The following TRIM49C variants were observed in gnomAD, a reference collection of about 807,000 sequenced individuals.
TRIM49C encodes tripartite motif containing 49C, also known as tripartite motif-containing protein 49C.
A neutral mutation model predicts 21.4 loss-of-function variants in TRIM49C; 6 were observed. That is an observed-to-expected ratio of 0.28 (90% CI 0.15 to 0.55). The LOEUF (loss-of-function observed/expected upper bound fraction) is 0.55. Ranked by LOEUF, TRIM49C falls within the 20% of genes least tolerant of loss-of-function variation. The pLI is 0.94. For synonymous variants in TRIM49C, 57 were observed against 148.1 expected (o/e 0.38, Z 4.47); for missense variants, 161 against 442.4 (o/e 0.36, Z 5.71).
chr11:90,064,285 T>C, the TRIM49C span, among the ~76,000 whole-genome samples: 1 of 151,432 alleles, frequency 6.6e-6, no homozygotes, highest in African/African-American at 2.4e-5. Flanking sequence ...TTTCCCATTG[T>C]CAATTCAGAT....
chr11:90,049,153 G>A, the TRIM49C span, among the ~76,000 whole-genome samples: 6 of 123,214 alleles, frequency 4.9e-5, 2 homozygotes, highest in East Asian at 5.1e-4. Flanking sequence ...GTAAGTGGCC[G>A]TGTGAGGTGT....
the TRIM49C span, chr11:90,052,061 C>A: frequency 1.7e-6 from 1 of 586,566 alleles, no homozygotes; most frequent in Admixed American, 4.0e-5. Flanking sequence ...ACCACCATGC[C>A]TGGCCACAAG....
downstream of TRIM49C, among the ~76,000 whole-genome samples, chr11:90,043,544 A>G (rs1373307980): frequency 8.3e-6 from 1 of 121,060 alleles, no homozygotes; most frequent in African/African-American, 3.3e-5. Flanking sequence ...GGATAGCTAC[A>G]TGTTTGCTTA....
At chr11:90,062,853 G>A in the TRIM49C span, 2 of 1,396,054 alleles carry the variant, frequency 1.4e-6, no homozygotes, top group Non-Finnish European at 9.5e-7. Context: ...GCAGCGCATT[G>A]GTGCTCTGCC....
the TRIM49C span, chr11:90,062,896 A>C: frequency 7.0e-7 from 1 of 1,421,596 alleles, no homozygotes; most frequent in Non-Finnish European, 9.3e-7. Context: ...CAGGGCCTGC[A>C]AAAGCTGTGC....
the TRIM49C span, chr11:90,071,882 T>A: frequency 3.4e-6 from 2 of 588,038 alleles, no homozygotes; most frequent in Non-Finnish European, 5.8e-6. Context: ...CGATTTTTCA[T>A]CTAGAAGAAG....
the TRIM49C span, among the ~76,000 whole-genome samples, chr11:90,066,258 G>T: frequency 6.2e-3 from 846 of 137,034 alleles, 80 homozygotes; most frequent in African/African-American, 0.021. Context: ...CACTTCAGGT[G>T]ATCTGCCCAC....
At chr11:90,040,849 C>CAAAAA (rs530845863) in intron 7 of TRIM49C, among the ~76,000 whole-genome samples, 1 of 132,564 alleles carries the variant, frequency 7.5e-6, no homozygotes. Flanking sequence ...TGTAAGTTTT[C>CAAAAA]AAAAAAAAAA....
the TRIM49C span, among the ~76,000 whole-genome samples, chr11:90,069,197 C>T: frequency 0.047 from 6,056 of 128,696 alleles, 540 homozygotes; most frequent in Non-Finnish European, 0.054. Context: ...CTCCGCCTCC[C>T]GGGTTCACGC....
intron 4 of TRIM49C, among the ~76,000 whole-genome samples, chr11:90,036,814 T>C (rs1349214963): frequency 2.2e-5 from 3 of 138,534 alleles, no homozygotes; most frequent in Non-Finnish European, 4.7e-5. Flanking sequence ...TACACAAATA[T>C]ATGCAATACA....
chr11:90,068,166 TA>T, the TRIM49C span, among the ~76,000 whole-genome samples: 1 of 84,448 alleles, frequency 1.2e-5, no homozygotes, highest in Non-Finnish European at 2.3e-5. Flanking sequence ...ACCATTGTAC[TA>T]TTGGATTTCC....
the TRIM49C span, among the ~76,000 whole-genome samples, chr11:90,066,043 C>T: frequency 1.3e-4 from 18 of 137,932 alleles, 3 homozygotes; most frequent in African/African-American, 3.1e-4. Flanking sequence ...TCTTTTGAGA[C>T]GGTATCTTGC....
chr11:90,031,938 G>A lies in TRIM49C; in HGVS notation c.-190-459G>A, dbSNP rs535517167. ...AAGCCAGGAGCTGGAGAACAGCATG[G>A]GCTACAGAGTCATACACTGACGTTA... On this transcript the variant is annotated intron_variant, in intron 1 of 7. Coordinates refer to ENST00000448984, the MANE Select transcript of TRIM49C (RefSeq NM_001195234.1). Among the ~76,000 whole-genome samples, 4 of 135,010 alleles carry A rather than the reference G, an allele frequency of 3.0e-5. 1 individual carries two copies. In the South Asian group the frequency reaches 1.0e-3, roughly 35 times the overall value. 88.6% of individuals were successfully genotyped at this position (135,010 alleles called of 152,430 possible). A position where few individuals can be genotyped will look rare whatever the true frequency, so the allele number is the denominator to read the frequency against.
chr11:90,045,129 G>T (rs1468413005), downstream of TRIM49C, among the ~76,000 whole-genome samples: 1 of 136,168 alleles, frequency 7.3e-6, no homozygotes, highest in African/African-American at 2.7e-5. Flanking sequence ...TATTCCATTG[G>T]TCTATGTCTC....
intron 2 of TRIM49C, among the ~76,000 whole-genome samples, chr11:90,033,806 C>T (rs1453305832): frequency 8.0e-6 from 1 of 125,536 alleles, no homozygotes; most frequent in African/African-American, 2.9e-5. Flanking sequence ...ATTAGCCAGG[C>T]CTAGTGTCAC....
chr11:90,064,361 TAATC>T, the TRIM49C span, among the ~76,000 whole-genome samples: 48 of 151,560 alleles, frequency 3.2e-4, 1 homozygote, highest in Non-Finnish European at 1.0e-4. Context: ...TAACAAGAAT[TAATC>T]AACCGTTAAT....
chr11:90,065,561 AG>A, the TRIM49C span, among the ~76,000 whole-genome samples: 2 of 139,966 alleles, frequency 1.4e-5, no homozygotes, highest in African/African-American at 2.6e-5. Context: ...TTGGCTGATT[AG>A]GTTTATAAGG....
downstream of TRIM49C, among the ~76,000 whole-genome samples, chr11:90,045,027 T>C (rs1461544425): frequency 4.5e-5 from 5 of 110,194 alleles, no homozygotes; most frequent in Admixed American, 2.4e-4. Flanking sequence ...ATTTATTAAA[T>C]AGGGAATCCT....
At chr11:90,052,738 A>C in the TRIM49C span, 3 of 155,654 alleles carry the variant, frequency 1.9e-5, no homozygotes, top group Non-Finnish European at 4.3e-5. Flanking sequence ...TCGACCCTGC[A>C]TGGCGGCTTT....
Sources: allele counts gnomAD v4.1 joint callset (sites outside exome capture counted in the v4.1 genomes callset), GRCh38; gene constraint gnomAD v4.1.1; transcripts MANE v1.5; gene names NCBI Gene and HGNC (gene_info 2026-07-23, HGNC 2026-07-21).